CACNA1D: variants seen among roughly 807,000 people sequenced by gnomAD.
CACNA1D encodes voltage-dependent L-type calcium channel subunit alpha-1D.
In CACNA1D, 55 loss-of-function variants were observed where a neutral mutation model predicts 257.1. The ratio of observed to expected loss-of-function variants is 0.21; its 90% CI spans 0.17 to 0.27. The LOEUF (loss-of-function observed/expected upper bound fraction) is 0.27, where lower values mean the gene tolerates loss of function less well. Ranked by LOEUF, CACNA1D falls within the 10% of genes least tolerant of loss-of-function variation. The probability of loss-of-function intolerance (pLI) is 1.00; values close to 1 mark genes in which losing one functional copy is unlikely to be tolerated. For missense variants in CACNA1D, 1,876 were observed against 2,784.0 expected (o/e 0.67, Z 7.34); for synonymous variants, 980 against 1,014.9 (o/e 0.97, Z 0.65).
intron 9 of CACNA1D, among the ~76,000 whole-genome samples, chr3:53,708,424 C>T (rs1223694408): frequency 6.6e-6 from 1 of 152,226 alleles, no homozygotes; most frequent in Non-Finnish European, 1.5e-5. Flanking sequence ...GGAGGGCTGA[C>T]TCAGGGGCTG....
intron 28 of CACNA1D, among the ~76,000 whole-genome samples, chr3:53,752,863 G>A (rs945261451): frequency 5.3e-5 from 8 of 152,206 alleles, no homozygotes; most frequent in African/African-American, 1.4e-4. Context: ...TCTTATTCCA[G>A]TGGGGGCAAG....
chr3:53,785,041 C>T (rs1208315369), intron 39 of CACNA1D, among the ~76,000 whole-genome samples: 2 of 152,146 alleles, frequency 1.3e-5, no homozygotes, highest in Non-Finnish European at 2.9e-5. Flanking sequence ...ATGAGACCCA[C>T]ATGGAATTCT....
intron 3 of CACNA1D, among the ~76,000 whole-genome samples, chr3:53,570,352 C>G (rs2092921842): frequency 6.6e-6 from 1 of 152,152 alleles, no homozygotes; most frequent in African/African-American, 2.4e-5. Context: ...AGCATAATTC[C>G]AAAGTTATAC....
chr3:53,684,691 A>G (rs2108487880), intron 8 of CACNA1D, among the ~76,000 whole-genome samples: 1 of 151,998 alleles, frequency 6.6e-6, no homozygotes, highest in Non-Finnish European at 1.5e-5. Context: ...TCATTTCTAA[A>G]TTTTCTAAAA....
intron 3 of CACNA1D, among the ~76,000 whole-genome samples, chr3:53,607,926 T>G (rs58339775): frequency 0.31 from 46,448 of 152,106 alleles, 7,274 homozygotes; most frequent in Non-Finnish European, 0.34. Flanking sequence ...TTGATTAATG[T>G]AGCTTTATGG....
intron 15 of CACNA1D, among the ~76,000 whole-genome samples, chr3:53,728,537 A>T (rs2094958202): frequency 6.6e-6 from 1 of 152,182 alleles, no homozygotes; most frequent in African/African-American, 2.4e-5. Flanking sequence ...CTCTCAATAG[A>T]GTACGGGATC....
At chr3:53,594,173 T>C (rs2093342742) in intron 3 of CACNA1D, among the ~76,000 whole-genome samples, 1 of 152,144 alleles carries the variant, frequency 6.6e-6, no homozygotes, top group Non-Finnish European at 1.5e-5. Context: ...AAGTGTGAAG[T>C]CTGGTTCGTC....
In CACNA1D at chr3:53,779,441, A is replaced by G. The variant is rs2109057454; in HGVS notation, c.4588-585A>G. 2.6e-5 allele frequency among the ~76,000 whole-genome samples: 4 copies of G among 152,046 alleles called. No individual in the cohort carries two copies. In the South Asian group the frequency reaches 8.3e-4, roughly 32 times the overall value. On this transcript the variant is annotated intron_variant, in intron 37 of 47. Coordinates refer to ENST00000350061, the MANE Select transcript of CACNA1D (RefSeq NM_001128840.3). ...TGTGTGTGTGTATTTGTGTGTATAT[A>G]TGTGTATATGTATATACACACACAC...
intron 3 of CACNA1D, among the ~76,000 whole-genome samples, chr3:53,503,163 T>G (rs1457139838): frequency 6.6e-6 from 1 of 152,238 alleles, no homozygotes; most frequent in African/African-American, 2.4e-5. Context: ...CTTTAGTAGT[T>G]TGATATCTAG....
At chr3:53,762,832 G>T (rs2095311173) in intron 30 of CACNA1D, among the ~76,000 whole-genome samples, 1 of 152,230 alleles carries the variant, frequency 6.6e-6, no homozygotes, top group Admixed American at 6.5e-5. Flanking sequence ...GAGTGGGGAA[G>T]TCTATGTAGA....
intron 4 of CACNA1D, among the ~76,000 whole-genome samples, chr3:53,654,203 A>G (rs925964171): frequency 3.9e-5 from 6 of 152,254 alleles, no homozygotes; most frequent in African/African-American, 1.2e-4. Flanking sequence ...AAGTGGATCT[A>G]CACAGAAAGA....
chr3:53,681,584 T>A (rs953795840), intron 8 of CACNA1D, among the ~76,000 whole-genome samples: 8 of 151,984 alleles, frequency 5.3e-5, no homozygotes, highest in Non-Finnish European at 1.0e-4. Context: ...AGGATTACAG[T>A]GGTGGGATGT....
At chr3:53,655,747 CTG>C (rs913018010) in intron 4 of CACNA1D, among the ~76,000 whole-genome samples, 4 of 151,884 alleles carry the variant, frequency 2.6e-5, no homozygotes, top group Admixed American at 2.6e-4. Context: ...TCTTTTTACC[CTG>C]TTTCTTTTGT....
chr3:53,567,806 A>G (rs1055163077), intron 3 of CACNA1D, among the ~76,000 whole-genome samples: 13 of 152,214 alleles, frequency 8.5e-5, no homozygotes, highest in Non-Finnish European at 1.6e-4. Context: ...TGGGCTGTAT[A>G]CACTGTGTAC....
In CACNA1D at chr3:53,740,264, A is replaced by G. The variant is rs370567947; in HGVS notation, c.2752-16A>G. On this transcript the variant is annotated splice_polypyrimidine_tract_variant and intron_variant, in intron 20 of 47. Coordinates refer to ENST00000350061, the MANE Select transcript of CACNA1D (RefSeq NM_001128840.3). ...TCTGAATTCCTTTTCTCACTCCCAC[A>G]TGTTGTGCCTTGCAGATACTGGGTT... The G allele has an allele frequency of 1.6e-4, 257 of 1,590,682 alleles. No individual in the cohort carries two copies. The highest frequency in any genetic ancestry group is 2.0e-4 in the Non-Finnish European group (234 of 1,158,760).
rs1043872200 is a variant in CACNA1D, at chr3:53,751,167, A to G, written c.3517-582A>G. On this transcript the variant is annotated intron_variant, in intron 27 of 47. Transcript: ENST00000350061. This position sits in a 1 kb window ranked among gnomAD's most constrained non-coding sequence, Gnocchi z 4.3. Reference sequence around the variant, plus strand: ...GATGGACATGTGGATAGCTCCCCATAAGATGTGTATTGTTAACACACTCTG... The same window carrying G: ...GATGGACATGTGGATAGCTCCCCATGAGATGTGTATTGTTAACACACTCTG... Among the ~76,000 whole-genome samples the G allele has an allele frequency of 5.3e-5, 8 of 152,200 alleles. No individual in the cohort carries two copies. The highest frequency in any genetic ancestry group is 1.9e-4 in the African/African-American group (8 of 41,452).
intron 3 of CACNA1D, among the ~76,000 whole-genome samples, chr3:53,550,788 C>T (rs2092516396): frequency 6.6e-6 from 1 of 152,050 alleles, no homozygotes; most frequent in Non-Finnish European, 1.5e-5. Context: ...GGGGACAAAA[C>T]AGATTTTAGA....
At chr3:53,731,277 A>G in intron 17 of CACNA1D, 131 bp downstream of exon 17, 1 of 721,592 alleles carries the variant, frequency 1.4e-6, no homozygotes, top group Non-Finnish European at 2.5e-6. Context: ...AGAATATGGC[A>G]CACCATATAG....
At chr3:53,680,438 A>T (rs1361325682) in intron 8 of CACNA1D, among the ~76,000 whole-genome samples, 1 of 151,880 alleles carries the variant, frequency 6.6e-6, no homozygotes, top group African/African-American at 2.4e-5. Flanking sequence ...CGTTTTGCAG[A>T]TGGAGAGCTG....
Sources: gnomAD v4.1 joint callset for allele counts (sites outside exome capture counted in the v4.1 genomes callset) on GRCh38, gnomAD v4.1.1 for gene constraint, Gnocchi (gnomAD v3.1) non-coding constraint, MANE v1.5 for transcripts, NCBI Gene and HGNC (gene_info 2026-07-23, HGNC 2026-07-21) for gene names.